Variants in BLNK observed in about 807,000 individuals in gnomAD.
The protein encoded by BLNK is B-cell linker protein.
In BLNK, 29 loss-of-function variants were observed where a neutral mutation model predicts 73.5. The observed-to-expected ratio is 0.39, with a 90% CI of 0.29 to 0.54. BLNK has a LOEUF of 0.54. Among genes scored for constraint, BLNK ranks in the 20% least tolerant of loss-of-function variants. The pLI is 0.61. For missense variants in BLNK, 460 were observed against 562.8 expected, an observed-to-expected ratio of 0.82 and a Z score of 1.85; for synonymous variants, 176 against 200.8, an observed-to-expected ratio of 0.88 and a Z score of 1.04.
chr10:96,192,001 C>T lies in BLNK; in HGVS notation c.1343G>A (p.Arg448Lys). 1 of 1,613,654 alleles carries T rather than the reference C, an allele frequency of 6.2e-7. No individual in the cohort carries two copies. The highest frequency in any genetic ancestry group is 1.1e-5 in the South Asian group (1 of 91,056). Reference protein sequence around the residue: ...DSQNNTKDSTRLKYAVKVS With the variant: ...DSQNNTKDSTKLKYAVKVS ...TGAAACTTTAACTGCATACTTCAGT[C>T]TGGTGGAATCTTTTGTGTTATTCTG... Residue 448 changes from arginine (R) to lysine (K), a missense_variant, in exon 17 of 17, where the codon AGA becomes AAA. Physicochemically the swap from Arg to Lys is conservative, Grantham distance 26. Coordinates refer to ENST00000224337, the MANE Select transcript of BLNK (RefSeq NM_013314.4).
intron 16 of BLNK, among the ~76,000 whole-genome samples, chr10:96,194,309 A>T (rs1379386379): frequency 6.6e-6 from 1 of 152,232 alleles, no homozygotes; most frequent in Non-Finnish European, 1.5e-5. Context: ...ATTGGTCTTG[A>T]TTAGTGCCCT....
chr10:96,224,218 C>T (rs782332403), intron 5 of BLNK, among the ~76,000 whole-genome samples: 10 of 152,138 alleles, frequency 6.6e-5, no homozygotes, highest in African/African-American at 1.2e-4. Flanking sequence ...AACATCCTTC[C>T]GGGGCAGTGA....
intron 13 of BLNK, among the ~76,000 whole-genome samples, chr10:96,201,619 GA>G (rs1554896175): frequency 6.6e-6 from 1 of 152,218 alleles, no homozygotes; most frequent in African/African-American, 2.4e-5. Flanking sequence ...ATTATTTTAA[GA>G]GTGTTAAAGT....
At chr10:96,221,611 T>C (rs587692948) in intron 6 of BLNK, among the ~76,000 whole-genome samples, 27 of 152,352 alleles carry the variant, frequency 1.8e-4, no homozygotes, top group African/African-American at 4.3e-4. Context: ...CCTGACTCCC[T>C]GGGGTCCATT....
At chr10:96,267,338 C>T (rs1206180820) in intron 1 of BLNK, among the ~76,000 whole-genome samples, 1 of 152,022 alleles carries the variant, frequency 6.6e-6, no homozygotes, top group South Asian at 2.1e-4. Context: ...AGAAAACCTG[C>T]AGGGTGTGGT....
chr10:96,223,034 C>T (rs1257331051), intron 6 of BLNK, among the ~76,000 whole-genome samples: 1 of 148,820 alleles, frequency 6.7e-6, no homozygotes, highest in Non-Finnish European at 1.5e-5. Context: ...TGGTGATGAG[C>T]AGTTTCCGAT....
chr10:96,239,797 A>T (rs1276529179), intron 3 of BLNK, among the ~76,000 whole-genome samples: 2 of 152,134 alleles, frequency 1.3e-5, no homozygotes, highest in African/African-American at 4.8e-5. Context: ...CCCACGCAGA[A>T]ATAGAGGGAA....
At chr10:96,238,395 T>C (rs1842771835) in intron 3 of BLNK, among the ~76,000 whole-genome samples, 1 of 152,246 alleles carries the variant, frequency 6.6e-6, no homozygotes, top group Admixed American at 6.5e-5. Flanking sequence ...ATAAATCCAA[T>C]GTGTGGGGGG....
At chr10:96,199,064 T>C (rs1554895405) in intron 15 of BLNK, among the ~76,000 whole-genome samples, 1 of 152,172 alleles carries the variant, frequency 6.6e-6, no homozygotes, top group Non-Finnish European at 1.5e-5. Flanking sequence ...CCTCAGAATC[T>C]ACTACAGGTA....
chr10:96,206,040 G>A (rs1402607619), intron 11 of BLNK, among the ~76,000 whole-genome samples: 3 of 152,178 alleles, frequency 2.0e-5, no homozygotes, highest in Non-Finnish European at 2.9e-5. Flanking sequence ...CAGCAGAAAA[G>A]GGGTGATGCC....
intron 16 of BLNK, 139 bp from the exon 17 acceptor site, chr10:96,192,231 T>A: frequency 8.3e-7 from 1 of 1,209,990 alleles, no homozygotes; most frequent in Non-Finnish European, 1.2e-6. Context: ...AAATCTAGTT[T>A]AACAAAGGCT....
chr10:96,201,203 C>T, intron 13 of BLNK, 145 bp from the exon 14 acceptor site: 2 of 720,296 alleles, frequency 2.8e-6, no homozygotes, highest in East Asian at 2.7e-5. Context: ...AAGTGTGGTC[C>T]AAGGACCCCT....
rs980328459 is a variant in BLNK at position 96,210,039 on chromosome 10, G to T, written c.677-132C>A. On this transcript the variant is annotated intron_variant, in intron 8 of 16. Coordinates refer to ENST00000224337, the MANE Select transcript of BLNK (RefSeq NM_013314.4). ...GTTGCTTTCAGTTAAGCACATATAG[G>T]TAGTTATATTGAAGCTATTAAGGAA... 1.4e-5 allele frequency: 13 copies of T among 929,158 alleles called. No homozygotes were observed. In the East Asian group the frequency reaches 3.2e-4, roughly 23 times the overall value. The allele number at this position is 929,158 out of a possible 1,614,324, so 57.6% of individuals were successfully genotyped here. A position where few individuals can be genotyped will look rare whatever the true frequency, so the allele number is the denominator to read the frequency against.
chr10:96,266,746 G>C (rs1000207837), intron 1 of BLNK, among the ~76,000 whole-genome samples: 1 of 152,196 alleles, frequency 6.6e-6, no homozygotes, highest in African/African-American at 2.4e-5. Context: ...CCTGCCTGCA[G>C]CTCCCCTGAA....
chr10:96,227,596 A>C lies in BLNK; in HGVS notation c.205-30T>G, dbSNP rs782352265. The C allele has an allele frequency of 1.5e-5, 25 of 1,613,208 alleles. No homozygotes were observed. In the East Asian group the frequency reaches 5.3e-4, roughly 34 times the overall value. ...AAGTGCAGATGCAGACACTGTGCTCAGCATCCCCGTCTGTGCTGCCTGGCC... is the reference window on the plus strand; with the variant it reads ...AAGTGCAGATGCAGACACTGTGCTCCGCATCCCCGTCTGTGCTGCCTGGCC... On this transcript the variant is annotated intron_variant, in intron 4 of 16. Transcript: ENST00000224337.
At chr10:96,199,357 T>TTTTG (rs112983493) in intron 15 of BLNK, 6 of 252,602 alleles carry the variant, frequency 2.4e-5, no homozygotes, top group South Asian at 1.7e-4. Flanking sequence ...TCCAGGTATT[T>TTTTG]TTTGTTTGTT....
intron 10 of BLNK, among the ~76,000 whole-genome samples, chr10:96,207,326 C>G (rs933113905): frequency 6.6e-6 from 1 of 152,150 alleles, no homozygotes; most frequent in African/African-American, 2.4e-5. Context: ...CATGACCCCC[C>G]CAGCAGCTGC....
chr10:96,195,948 C>T (rs2083454743), intron 16 of BLNK, among the ~76,000 whole-genome samples: 1 of 152,166 alleles, frequency 6.6e-6, no homozygotes, highest in Non-Finnish European at 1.5e-5. Context: ...ACACTGAAGC[C>T]AGTTACTGTG....
At chr10:96,250,415 G>GGAGAGA (rs71486790) in intron 1 of BLNK, among the ~76,000 whole-genome samples, 23 of 143,522 alleles carry the variant, frequency 1.6e-4, no homozygotes, top group Admixed American at 5.1e-4. Context: ...AGAGAGAGGG[G>GGAGAGA]GAGAGAGAGA....
Sources: gnomAD v4.1 joint callset for allele counts (sites outside exome capture counted in the v4.1 genomes callset) on GRCh38, gnomAD v4.1.1 for gene constraint, MANE v1.5 for transcripts, NCBI Gene and HGNC (gene_info 2026-07-23, HGNC 2026-07-21) for gene names.